Variants in CLEC12A observed in about 807,000 individuals in gnomAD.
CLEC12A encodes the protein C-type lectin domain family 12 member A.
CLEC12A carries 22 observed loss-of-function variants against 26.5 expected under a neutral mutation model. The observed-to-expected ratio is 0.83, with a 90% CI of 0.59 to 1.19. The LOEUF (loss-of-function observed/expected upper bound fraction) is 1.19. Among genes scored for constraint, CLEC12A ranks in the 50% most tolerant of loss-of-function variants. CLEC12A has a pLI of 0.00. For missense variants in CLEC12A, 353 were observed against 315.6 expected, an observed-to-expected ratio of 1.12 and a Z score of -0.90; for synonymous variants, 119 against 101.9, an observed-to-expected ratio of 1.17 and a Z score of -1.01.
intron 5 of CLEC12A, chr12:9,983,704 G>A (rs1864651708): frequency 2.0e-6 from 1 of 489,970 alleles, no homozygotes. Context: ...TCATCACATT[G>A]GGCCATAATG....
chr12:9,957,250 G>A (rs1591810101), intron 1 of CLEC12A, among the ~76,000 whole-genome samples: 1 of 152,044 alleles, frequency 6.6e-6, no homozygotes, highest in African/African-American at 2.4e-5. Flanking sequence ...TAATTTGGGA[G>A]GCCAAGGTGG....
intron 4 of CLEC12A, chr12:9,991,640 A>G (rs1222790457): frequency 6.6e-6 from 1 of 152,124 alleles, no homozygotes; most frequent in African/African-American, 2.4e-5. Flanking sequence ...CTGCTTAATT[A>G]TTGATAGGCT....
chr12:9,983,339 T>C (rs1366109648), intron 5 of CLEC12A, among the ~76,000 whole-genome samples: 1 of 152,190 alleles, frequency 6.6e-6, no homozygotes, highest in East Asian at 1.9e-4. Flanking sequence ...TTCAGCTTAA[T>C]ATATCACATA....
intron 1 of CLEC12A, chr12:9,951,657 A>C: frequency 2.4e-6 from 1 of 416,214 alleles, no homozygotes; most frequent in East Asian, 4.8e-5. Flanking sequence ...CAACTGTTTC[A>C]GTTTGGACTC....
intron 1 of CLEC12A, among the ~76,000 whole-genome samples, chr12:9,961,063 C>T (rs6488238): frequency 0.32 from 48,260 of 151,948 alleles, 8,152 homozygotes; most frequent in East Asian, 0.46. Flanking sequence ...TAGGGAGACA[C>T]GAGGCTTCAA....
At chr12:9,978,767 C>G (rs1324458653) in intron 1 of CLEC12A, among the ~76,000 whole-genome samples, 199 bp from the exon 2 acceptor site, 1 of 152,074 alleles carries the variant, frequency 6.6e-6, no homozygotes, top group African/African-American at 2.4e-5. Flanking sequence ...ACATACAAAA[C>G]AATTAAGTGA....
chr12:9,996,773 A>G (rs1865058983), downstream of CLEC12A: 2 of 1,532,346 alleles, frequency 1.3e-6, no homozygotes, highest in African/African-American at 1.4e-5. Context: ...GTAAAAAACA[A>G]AAAAAGGTCA....
intron 1 of CLEC12A, among the ~76,000 whole-genome samples, chr12:9,961,509 A>G (rs1334763017): frequency 6.6e-6 from 1 of 152,210 alleles, no homozygotes; most frequent in Non-Finnish European, 1.5e-5. Context: ...ATAGCATTGC[A>G]ACTTGTATCA....
intron 1 of CLEC12A, among the ~76,000 whole-genome samples, chr12:9,962,253 CTTTTTTTTT>C (rs71049021): frequency 8.4e-6 from 1 of 119,228 alleles, no homozygotes; most frequent in Non-Finnish European, 1.8e-5. Flanking sequence ...CCGGTTTTTT[CTTTTTTTTT>C]TTTTTTTTTG....
chr12:10,002,616 G>A, the CLEC12A span, among the ~76,000 whole-genome samples: 1 of 151,548 alleles, frequency 6.6e-6, no homozygotes, highest in Admixed American at 6.6e-5. Context: ...CTAATTTTTT[G>A]TATTTTTAAT....
At chr12:9,969,259 C>T (rs575073713), upstream of CLEC12A, among the ~76,000 whole-genome samples, 4 of 152,234 alleles carry the variant, frequency 2.6e-5, no homozygotes, top group African/African-American at 9.6e-5. Flanking sequence ...CTATTCCCAA[C>T]AGAAGGAAAA....
At chr12:9,993,265 T>C (rs1254544604) in intron 4 of CLEC12A, 1 of 1,612,862 alleles carries the variant, frequency 6.2e-7, no homozygotes, top group East Asian at 2.2e-5. Context: ...ATATTTCCTT[T>C]TCCATCTTCC....
At chr12:9,971,856 G>A (rs1299871459) in intron 1 of CLEC12A, among the ~76,000 whole-genome samples, 169 bp downstream of exon 1, 1 of 151,908 alleles carries the variant, frequency 6.6e-6, no homozygotes, top group African/African-American at 2.4e-5. Flanking sequence ...TTAGAAAAAA[G>A]GGTTTTGTAA....
rs1863672706 is a variant in CLEC12A at position 9,953,345 on chromosome 12, CCGGGAGGGAGG to C, written c.10+1990_10+2000del. 6 of 18,716 alleles carry C rather than the reference CCGGGAGGGAGG, an allele frequency of 3.2e-4. 1 individual carries two copies. Among genetic ancestry groups the C allele is most frequent in the African/African-American group, 1.2e-3 (6 of 5,046 alleles). The allele number at this position is 18,716 out of a possible 1,614,324, so 1.2% of individuals were successfully genotyped here. ...CCCCCCGCCCAGCCAGCTGCCCCGT[CCGGGAGGGAGG>C]TGGGGGGGTCAGCCCCCCGCCTGGC... On this transcript the variant is annotated intron_variant, in intron 1 of 6. Coordinates refer to the CLEC12A transcript ENST00000355690.
At chr12:9,961,276 TC>T (rs1863825265) in intron 1 of CLEC12A, among the ~76,000 whole-genome samples, 2 of 152,232 alleles carry the variant, frequency 1.3e-5, no homozygotes, top group South Asian at 4.1e-4. Flanking sequence ...GACACGCACT[TC>T]CTGTCATGGC....
rs1863627627 is a variant in CLEC12A at position 9,952,201 on chromosome 12, C to CTCTCCG, written c.10+850_10+851insGTCTCC. 3.2e-5 allele frequency: 2 copies of CTCTCCG among 62,654 alleles called. 1 individual carries two copies. The allele number at this position is 62,654 out of a possible 1,614,324, so 3.9% of individuals were successfully genotyped here. On this transcript the variant is annotated intron_variant, in intron 1 of 6. Transcript: ENST00000355690. ...CCTCTCCCTCTCCCTCTCCGTCTCC[C>CTCTCCG]TCTCCCTCTCCCCACGGTCTCCCTC...
chr12:9,994,934 G>A, intron 4 of CLEC12A: 1 of 1,328,042 alleles, frequency 7.5e-7, no homozygotes, highest in Middle Eastern at 2.7e-4. Context: ...AGATAAAGGT[G>A]GATTGTGGCT....
At chr12:9,959,591 C>T (rs1411134612) in intron 1 of CLEC12A, among the ~76,000 whole-genome samples, 1 of 151,940 alleles carries the variant, frequency 6.6e-6, no homozygotes, top group Non-Finnish European at 1.5e-5. Context: ...GACTATAAGT[C>T]TTTTTTGACT....
At chr12:9,999,137 T>A, downstream of CLEC12A, 1 of 1,445,860 alleles carries the variant, frequency 6.9e-7, no homozygotes, top group Non-Finnish European at 9.5e-7. Flanking sequence ...CAGAGTTCAA[T>A]GACTTTGCAA....
Sources: allele counts gnomAD v4.1 joint callset (sites outside exome capture counted in the v4.1 genomes callset), GRCh38; gene constraint gnomAD v4.1.1; transcripts MANE v1.5; gene names NCBI Gene and HGNC (gene_info 2026-07-23, HGNC 2026-07-21).